SNCAIP: variants seen among roughly 807,000 people sequenced by gnomAD.
The protein encoded by SNCAIP is synuclein alpha interacting protein.
Under a neutral mutation model 86.7 loss-of-function variants are expected in SNCAIP, and 43 were observed. That is an observed-to-expected ratio of 0.50 (90% CI 0.39 to 0.64). The LOEUF is 0.64. Among genes scored for constraint, SNCAIP ranks in the 30% least tolerant of loss-of-function variants. The pLI is 0.00. For missense variants in SNCAIP, 981 were observed against 1,103.1 expected (o/e 0.89, Z 1.57); for synonymous variants, 417 against 427.2 (o/e 0.98, Z 0.29).
intron 3 of SNCAIP, among the ~76,000 whole-genome samples, chr5:122,411,410 G>A (rs1281890286): frequency 6.6e-6 from 1 of 152,104 alleles, no homozygotes; most frequent in Non-Finnish European, 1.5e-5. Context: ...GACATTTCTA[G>A]TTTAGGAGCT....
intron 3 of SNCAIP, among the ~76,000 whole-genome samples, chr5:122,412,106 G>A (rs1008442724): frequency 3.4e-4 from 51 of 152,092 alleles, no homozygotes; most frequent in African/African-American, 1.2e-3. Flanking sequence ...AATGTGCAGT[G>A]TTCCTTCACA....
At chr5:122,454,532 A>G (rs1784328396) in intron 10 of SNCAIP, 1 of 152,644 alleles carries the variant, frequency 6.6e-6, no homozygotes, top group Non-Finnish European at 1.5e-5. Flanking sequence ...AGGAATAGAA[A>G]AAAAACATAC....
intron 10 of SNCAIP, 145 bp from the exon 11 acceptor site, chr5:122,463,346 A>T: frequency 1.6e-6 from 1 of 640,148 alleles, no homozygotes; most frequent in Admixed American, 2.4e-5. Context: ...TGAAAAGAGA[A>T]TAATTTGCGT....
intron 2 of SNCAIP, 128 bp downstream of exon 2, chr5:122,391,319 C>A (rs57920585): frequency 5.3e-6 from 4 of 754,104 alleles, no homozygotes; most frequent in African/African-American, 1.7e-5. Flanking sequence ...CAGCAGAAAT[C>A]CTGTGTGGCA....
chr5:122,317,373 A>G (rs528469742), intron 1 of SNCAIP, among the ~76,000 whole-genome samples: 3 of 152,232 alleles, frequency 2.0e-5, no homozygotes, highest in African/African-American at 7.2e-5. Flanking sequence ...TCTTTTCTTC[A>G]TGGTGGCAAA....
Position 122,450,815 on chromosome 5 carries a change from A to C in SNCAIP, c.1968A>C (p.Pro656=). 1 of 1,614,110 alleles carries C rather than the reference A, an allele frequency of 6.2e-7. No individual in the cohort carries two copies. The highest frequency in any genetic ancestry group is 1.3e-5 in the African/African-American group (1 of 75,048). ...CCTCTAGAAATTCTAAAAAGATCCC[A>C]CTGGAGAAGAGGGAACTGAAGTTAG... The part of the protein sequence containing the change: ...QASSRNSKKI[P]LEKRELKLAR... The change falls in exon 10 of 11, where the codon CCA becomes CCC. Residue 656 remains proline (P), a synonymous_variant. Transcript: ENST00000261368.
chr5:122,352,533 G>T (rs776395717), intron 1 of SNCAIP, among the ~76,000 whole-genome samples: 1 of 152,076 alleles, frequency 6.6e-6, no homozygotes, highest in Non-Finnish European at 1.5e-5. Flanking sequence ...ATCAATTGTG[G>T]GCAAATGATG....
At chr5:122,459,654 C>T (rs1454937437) in intron 10 of SNCAIP, among the ~76,000 whole-genome samples, 3 of 152,080 alleles carry the variant, frequency 2.0e-5, no homozygotes, top group Non-Finnish European at 4.4e-5. Flanking sequence ...AGAAAGAGTG[C>T]TCATTTTAGT....
chr5:122,317,215 A>G (rs1043520225), intron 1 of SNCAIP, among the ~76,000 whole-genome samples: 4 of 152,070 alleles, frequency 2.6e-5, no homozygotes, highest in African/African-American at 9.7e-5. Flanking sequence ...TTTTTCCTTT[A>G]TTGAGACACA....
intron 1 of SNCAIP, among the ~76,000 whole-genome samples, chr5:122,365,730 A>G (rs1465469118): frequency 6.6e-6 from 1 of 152,206 alleles, no homozygotes; most frequent in Non-Finnish European, 1.5e-5. Flanking sequence ...GGTTTTATTC[A>G]TTAATACTTT....
At chr5:122,409,132 T>C (rs553827882) in intron 3 of SNCAIP, among the ~76,000 whole-genome samples, 1 of 152,276 alleles carries the variant, frequency 6.6e-6, no homozygotes, top group South Asian at 2.1e-4. Flanking sequence ...GTGGAACTTT[T>C]GCACGCATTC....
At chr5:122,426,999 T>C (rs1486315453) in intron 5 of SNCAIP, among the ~76,000 whole-genome samples, 2 of 152,184 alleles carry the variant, frequency 1.3e-5, no homozygotes, top group African/African-American at 4.8e-5. Context: ...AAATTTGGGA[T>C]ATAGCCCTGT....
chr5:122,384,947 C>T lies in SNCAIP; in HGVS notation c.-46-6142C>T, dbSNP rs187780072. 1.1e-4 allele frequency among the ~76,000 whole-genome samples: 17 copies of T among 152,282 alleles called. 1 individual carries two copies. The highest frequency in any genetic ancestry group is 3.9e-4 in the African/African-American group (16 of 41,546). On this transcript the variant is annotated intron_variant, in intron 1 of 10. Transcript: ENST00000261368. ...CAATCAATGCTAAATCAATGTTATG[C>T]GTCTTTCTGGACATTCTGTTCCAGA... is the stretch of plus-strand genomic sequence containing the variant.
intron 3 of SNCAIP, among the ~76,000 whole-genome samples, chr5:122,419,030 G>A (rs304389): frequency 0.32 from 48,834 of 152,040 alleles, 8,255 homozygotes; most frequent in Non-Finnish European, 0.35. Context: ...TGGTGCCTGA[G>A]CGATGAAGGG....
intron 1 of SNCAIP, among the ~76,000 whole-genome samples, chr5:122,363,653 C>T (rs1179274686): frequency 6.6e-6 from 1 of 150,524 alleles, no homozygotes; most frequent in Non-Finnish European, 1.5e-5. Context: ...TTCCACAGCA[C>T]CTAGAACAGT....
At chr5:122,362,705 A>G (rs929377773) in intron 1 of SNCAIP, among the ~76,000 whole-genome samples, 8 of 152,184 alleles carry the variant, frequency 5.3e-5, no homozygotes, top group Admixed American at 5.2e-4. Context: ...CCAAGAACTC[A>G]GTTGGAGTTT....
chr5:122,456,354 T>C (rs931422754), intron 10 of SNCAIP, among the ~76,000 whole-genome samples: 3 of 152,210 alleles, frequency 2.0e-5, no homozygotes, highest in Admixed American at 1.3e-4. Context: ...CTGGTCTGCT[T>C]CGCCAGTAGT....
intron 7 of SNCAIP, 162 bp from the exon 8 acceptor site, chr5:122,444,401 T>C: frequency 2.8e-6 from 2 of 712,380 alleles, no homozygotes; most frequent in South Asian, 1.6e-5. Flanking sequence ...GTAGTAGGAC[T>C]GGCTCTGCTA....
At chr5:122,372,509 A>G (rs959115881) in intron 1 of SNCAIP, among the ~76,000 whole-genome samples, 14 of 152,174 alleles carry the variant, frequency 9.2e-5, no homozygotes, top group African/African-American at 3.4e-4. Flanking sequence ...GTAGAGGGAA[A>G]ATAGTTTGTC....
Sources: gnomAD v4.1 joint callset for allele counts (sites outside exome capture counted in the v4.1 genomes callset) on GRCh38, gnomAD v4.1.1 for gene constraint, MANE v1.5 for transcripts, NCBI Gene and HGNC (gene_info 2026-07-23, HGNC 2026-07-21) for gene names.